ICA1: variants seen among roughly 807,000 people sequenced by gnomAD.
ICA1 encodes islet cell autoantigen 1.
In ICA1, 40 loss-of-function variants were observed where a neutral mutation model predicts 71.0. The ratio of observed to expected loss-of-function variants is 0.56; its 90% CI spans 0.44 to 0.73. ICA1 has a LOEUF of 0.73. Among genes scored for constraint, ICA1 ranks in the 30% least tolerant of loss-of-function variants. ICA1 has a pLI of 0.00. For synonymous variants in ICA1, 207 were observed against 209.5 expected, an observed-to-expected ratio of 0.99 and a Z score of 0.10; for missense variants, 578 against 576.5, an observed-to-expected ratio of 1.00 and a Z score of -0.03.
chr7:8,211,514 A>G (rs1328773074), intron 6 of ICA1, among the ~76,000 whole-genome samples: 1 of 136,898 alleles, frequency 7.3e-6, no homozygotes, highest in South Asian at 2.6e-4. Context: ...TCATTTGTTC[A>G]TAGTGCTCTG....
intron 1 of ICA1, among the ~76,000 whole-genome samples, chr7:8,241,483 C>T (rs770970679): frequency 1.2e-4 from 19 of 152,174 alleles, no homozygotes; most frequent in African/African-American, 3.4e-4. Flanking sequence ...TAAAGACCAT[C>T]GATGCTAGGA....
chr7:8,202,675 C>T (rs1275944532), intron 6 of ICA1, among the ~76,000 whole-genome samples: 2 of 152,166 alleles, frequency 1.3e-5, no homozygotes, highest in African/African-American at 4.8e-5. Context: ...GACTTTTTCT[C>T]AGCTTAGTAA....
At chr7:8,176,386 T>C (rs1368858789) in intron 6 of ICA1, among the ~76,000 whole-genome samples, 2 of 152,350 alleles carry the variant, frequency 1.3e-5, no homozygotes, top group East Asian at 3.9e-4. Context: ...TTTCCTGTAA[T>C]GCCCCTCAGC....
At chr7:8,140,565 A>G (rs796718089) in intron 10 of ICA1, among the ~76,000 whole-genome samples, 3 of 152,358 alleles carry the variant, frequency 2.0e-5, no homozygotes, top group African/African-American at 4.8e-5. Flanking sequence ...TTAGATTACC[A>G]TCTGCTTGCC....
intron 6 of ICA1, among the ~76,000 whole-genome samples, chr7:8,212,583 C>T (rs968340952): frequency 2.6e-5 from 4 of 152,032 alleles, no homozygotes; most frequent in Admixed American, 6.6e-5. Flanking sequence ...CAAAACAAAA[C>T]GAAAAACTAA....
At chr7:8,163,466 C>A (rs1267548101) in intron 6 of ICA1, among the ~76,000 whole-genome samples, 1 of 152,142 alleles carries the variant, frequency 6.6e-6, no homozygotes, top group African/African-American at 2.4e-5. Flanking sequence ...TATTGAGTAT[C>A]TTCTATATGC....
intron 1 of ICA1, among the ~76,000 whole-genome samples, chr7:8,241,980 C>A (rs1004273410): frequency 5.3e-5 from 8 of 152,140 alleles, no homozygotes; most frequent in African/African-American, 1.7e-4. Context: ...GACTTTAACA[C>A]CCCACTGTCA....
chr7:8,237,757 T>C (rs763928275), intron 1 of ICA1, among the ~76,000 whole-genome samples: 31 of 152,170 alleles, frequency 2.0e-4, no homozygotes, highest in Non-Finnish European at 3.8e-4. Flanking sequence ...TGTTGTAGTA[T>C]ATGACAGGAC....
intron 12 of ICA1, among the ~76,000 whole-genome samples, chr7:8,135,114 C>T (rs1792945547): frequency 6.6e-6 from 1 of 152,076 alleles, no homozygotes; most frequent in Non-Finnish European, 1.5e-5. Context: ...GCAACCTCCG[C>T]CTCCCGGGTT....
At chr7:8,241,370 G>A (rs1047037999) in intron 1 of ICA1, among the ~76,000 whole-genome samples, 31 of 152,208 alleles carry the variant, frequency 2.0e-4, no homozygotes, top group African/African-American at 7.5e-4. Flanking sequence ...AATGCTGAGA[G>A]ATTTTTGTCA....
chr7:8,177,522 C>A (rs1780986806), intron 6 of ICA1, among the ~76,000 whole-genome samples: 1 of 152,146 alleles, frequency 6.6e-6, no homozygotes, highest in Admixed American at 6.5e-5. Context: ...TAAAGGTCTA[C>A]AATATTTTTA....
At chr7:8,200,338 CAAAAAAAAAAA>C (rs34371233) in intron 6 of ICA1, among the ~76,000 whole-genome samples, 8 of 67,964 alleles carry the variant, frequency 1.2e-4, no homozygotes, top group Admixed American at 2.3e-4. Context: ...CACAGTTGAG[CAAAAAAAAAAA>C]AAAAAAAAAA....
chr7:8,129,376 T>TTA (rs1440421270), intron 12 of ICA1, among the ~76,000 whole-genome samples: 128 of 142,146 alleles, frequency 9.0e-4, no homozygotes, highest in African/African-American at 1.5e-3. Flanking sequence ...GCTTTTTTTT[T>TTA]AAAAAAAAAA....
intron 6 of ICA1, among the ~76,000 whole-genome samples, chr7:8,217,700 A>T (rs1401406003): frequency 6.6e-6 from 1 of 152,210 alleles, no homozygotes; most frequent in Non-Finnish European, 1.5e-5. Flanking sequence ...ACAAAATCAA[A>T]CTGCTAAATT....
intron 3 of ICA1, among the ~76,000 whole-genome samples, chr7:8,230,172 C>CT (rs553861920): frequency 5.3e-5 from 8 of 152,210 alleles, no homozygotes; most frequent in Non-Finnish European, 1.0e-4. Context: ...GCAGAGATTA[C>CT]TTTTGTCTGT....
At chr7:8,200,215 T>A (rs1353691777) in intron 6 of ICA1, among the ~76,000 whole-genome samples, 1 of 149,540 alleles carries the variant, frequency 6.7e-6, no homozygotes, top group Admixed American at 6.7e-5. Context: ...AAATAAAATT[T>A]AAAAAATTAA....
At chr7:8,230,481 T>G (rs972643968) in intron 3 of ICA1, among the ~76,000 whole-genome samples, 1 of 152,212 alleles carries the variant, frequency 6.6e-6, no homozygotes, top group Non-Finnish European at 1.5e-5. Flanking sequence ...GTATTAACAT[T>G]TCTGCAACAG....
intron 6 of ICA1, among the ~76,000 whole-genome samples, chr7:8,216,874 G>C (rs17145415): frequency 0.015 from 2,268 of 152,300 alleles, 53 homozygotes; most frequent in African/African-American, 0.052. Flanking sequence ...CTTGGTTATT[G>C]TGAGGAGTAA....
chr7:8,165,463 C>T (rs541628063), intron 6 of ICA1, among the ~76,000 whole-genome samples: 10 of 152,156 alleles, frequency 6.6e-5, no homozygotes, highest in African/African-American at 1.4e-4. Flanking sequence ...AAAACCAGAA[C>T]AAGACAACGA....
Sources: gnomAD v4.1 joint callset for allele counts (sites outside exome capture counted in the v4.1 genomes callset) on GRCh38, gnomAD v4.1.1 for gene constraint, MANE v1.5 for transcripts, NCBI Gene and HGNC (gene_info 2026-07-23, HGNC 2026-07-21) for gene names.